The following ANAPC1 variants were observed in gnomAD, a reference collection of about 807,000 sequenced individuals.
ANAPC1 encodes the protein anaphase promoting complex subunit 1, also known as anaphase-promoting complex subunit 1.
ANAPC1 carries 36 observed loss-of-function variants against 208.0 expected under a neutral mutation model. That is an observed-to-expected ratio of 0.17 (90% CI 0.13 to 0.23). The LOEUF is 0.23. Among genes scored for constraint, ANAPC1 ranks in the 10% least tolerant of loss-of-function variants. The pLI, the probability that ANAPC1 is intolerant of heterozygous loss-of-function variation, is 1.00. For synonymous variants in ANAPC1, 378 were observed against 695.2 expected (o/e 0.54, Z 7.18); for missense variants, 942 against 2,011.6 (o/e 0.47, Z 10.17).
chr2:111,794,734 G>C (rs1227418632), intron 35 of ANAPC1, 84 bp downstream of exon 35: 2 of 1,156,426 alleles, frequency 1.7e-6, no homozygotes, highest in Non-Finnish European at 2.5e-6. Flanking sequence ...TTAAATCAAG[G>C]ACAATATTAC....
At chr2:111,879,733 G>A (rs1270176675) in intron 2 of ANAPC1, among the ~76,000 whole-genome samples, 3 of 152,090 alleles carry the variant, frequency 2.0e-5, no homozygotes, top group Non-Finnish European at 2.9e-5. Flanking sequence ...TTAGCTGGGC[G>A]TGGTGGCACA....
intron 3 of ANAPC1, among the ~76,000 whole-genome samples, chr2:111,875,066 A>C (rs1380086504): frequency 6.6e-6 from 1 of 152,180 alleles, no homozygotes; most frequent in Non-Finnish European, 1.5e-5. Context: ...AGGAGTTCCA[A>C]TTTCTGGACA....
At chr2:111,866,587 G>A (rs1173074301) in intron 7 of ANAPC1, among the ~76,000 whole-genome samples, 31 of 150,362 alleles carry the variant, frequency 2.1e-4, no homozygotes, top group African/African-American at 7.6e-4. Flanking sequence ...TTAGCTGGGC[G>A]TGATGGCACA....
downstream of ANAPC1, among the ~76,000 whole-genome samples, chr2:111,767,206 C>T (rs1172765061): frequency 6.7e-6 from 1 of 150,348 alleles, no homozygotes; most frequent in Non-Finnish European, 1.5e-5. Flanking sequence ...TCTGCCTCTC[C>T]TCCCAGTCCT....
At chr2:111,853,083 A>C (rs1681498545) in intron 13 of ANAPC1, among the ~76,000 whole-genome samples, 1 of 152,204 alleles carries the variant, frequency 6.6e-6, no homozygotes, top group East Asian at 1.9e-4. Context: ...AAAATACTCA[A>C]GGGTGCCTTC....
At chr2:111,864,449 C>T (rs1367914263) in intron 8 of ANAPC1, among the ~76,000 whole-genome samples, 9 of 95,700 alleles carry the variant, frequency 9.4e-5, no homozygotes, top group Admixed American at 3.4e-4. Context: ...ACTACTCTTT[C>T]ATATATATAT....
chr2:111,844,644 A>ATACTTCAG (rs1321021020), intron 16 of ANAPC1, among the ~76,000 whole-genome samples: 1 of 152,010 alleles, frequency 6.6e-6, no homozygotes, highest in African/African-American at 2.4e-5. Flanking sequence ...TACTGCCTAC[A>ATACTTCAG]TACTTCAGTA....
Position 111,792,902 on chromosome 2 carries a change from G to A in ANAPC1, c.4519-347C>T, listed in dbSNP as rs541324508. On this transcript the variant is annotated intron_variant, in intron 37 of 47. Transcript: ENST00000341068. Reference sequence around the variant, plus strand: ...CGGGGTGCGGAGCTCGCAGTGAGCCGAGATCGCGCCACTGCACTCCAGCCT... The same window carrying A: ...CGGGGTGCGGAGCTCGCAGTGAGCCAAGATCGCGCCACTGCACTCCAGCCT... Among the ~76,000 whole-genome samples, 1,239 of 152,192 alleles carry A rather than the reference G, an allele frequency of 8.1e-3. 15 individuals are homozygous for A. The highest frequency in any genetic ancestry group is 0.029 in the African/African-American group (1,185 of 41,520).
intron 18 of ANAPC1, among the ~76,000 whole-genome samples, chr2:111,838,024 G>A (rs1239716735): frequency 1.4e-5 from 2 of 142,580 alleles, no homozygotes; most frequent in African/African-American, 2.5e-5. Flanking sequence ...GGCGGAGATT[G>A]CAGTGAGCTC....
At chr2:111,845,976 C>CAAA (rs34090398) in intron 16 of ANAPC1, among the ~76,000 whole-genome samples, 3,977 of 100,682 alleles carry the variant, frequency 0.04, 203 homozygotes, top group African/African-American at 0.096. Flanking sequence ...GACTCCGTCT[C>CAAA]AAAAAAAAAA....
At chr2:111,873,492 A>G (rs1240486352) in intron 4 of ANAPC1, 84 bp from the exon 5 acceptor site, 5 of 1,516,286 alleles carry the variant, frequency 3.3e-6, no homozygotes, top group Non-Finnish European at 4.4e-6. Flanking sequence ...TTTAATGCAC[A>G]ATATAAAGAT....
intron 6 of ANAPC1, among the ~76,000 whole-genome samples, chr2:111,868,300 C>A (rs1364599614): frequency 1.3e-5 from 2 of 152,166 alleles, no homozygotes; most frequent in African/African-American, 4.8e-5. Context: ...TAGAGTAATT[C>A]TATCAATGCA....
At chr2:111,880,914 A>G in intron 1 of ANAPC1, 65 bp from the exon 2 acceptor site, 8 of 1,348,856 alleles carry the variant, frequency 5.9e-6, no homozygotes, top group Non-Finnish European at 7.2e-6. Context: ...AATACCATAA[A>G]CACACAAGTC....
At chr2:111,806,441 C>T (rs1408189458) in intron 29 of ANAPC1, among the ~76,000 whole-genome samples, 19 of 32,218 alleles carry the variant, frequency 5.9e-4, no homozygotes, top group Non-Finnish European at 9.8e-4. Flanking sequence ...GCAGGAAAAT[C>T]GCTTGAACCT....
rs771846049 is a variant in ANAPC1, at chr2:111,864,906, A to C, written c.731T>G (p.Met244Arg). ...GTCAGTATTGAGGAAAACAATTTTC[A>C]TTGCATGATCTACAACATATTGCAC... ...SRVQYVVDHAMKIVFLNTDPS... is the reference protein window; with the variant it reads ...SRVQYVVDHARKIVFLNTDPS... Residue 244 changes from methionine to arginine, a missense_variant, in exon 8 of 48, where the codon ATG becomes AGG. Met to Arg is a moderately conservative substitution (Grantham distance 91). Coordinates refer to ENST00000341068, the MANE Select transcript of ANAPC1 (RefSeq NM_022662.4). 2 of 1,611,780 alleles carry C rather than the reference A, an allele frequency of 1.2e-6. No homozygotes were observed. The highest frequency in any genetic ancestry group is 2.2e-5 in the South Asian group (2 of 90,962).
intron 18 of ANAPC1, among the ~76,000 whole-genome samples, chr2:111,836,369 T>A (rs1680466205): frequency 6.6e-6 from 1 of 151,056 alleles, no homozygotes; most frequent in Non-Finnish European, 1.5e-5. Context: ...TAAAAGAAAT[T>A]AAAATTCACA....
intron 28 of ANAPC1, among the ~76,000 whole-genome samples, chr2:111,810,781 G>A (rs1678944432): frequency 1.4e-5 from 2 of 146,202 alleles, no homozygotes; most frequent in African/African-American, 5.1e-5. Flanking sequence ...TACTCAGAAG[G>A]CTGAGGCAGG....
rs6761389 is a variant in ANAPC1, at chr2:111,840,555, G to A, written c.2041-2043C>T. Among the ~76,000 whole-genome samples the A allele has an allele frequency of 2.4e-3, 358 of 152,224 alleles. 1 individual carries two copies. The highest frequency in any genetic ancestry group is 7.9e-3 in the African/African-American group (330 of 41,540). The stretch of plus-strand genomic sequence containing the variant: ...AACATGGAAACGCGAAGGGGCATAG[G>A]TTCTCTGCCAGAGACTAGGACACAA... On this transcript the variant is annotated intron_variant, in intron 17 of 47. Transcript: ENST00000341068.
Position 111,873,323 on chromosome 2 carries a change from A to C in ANAPC1, c.513T>G (p.Ala171=), listed in dbSNP as rs569810621. The stretch of plus-strand genomic sequence containing the variant: ...ACTTGTTTACCTGAAATGGTAATGA[A>C]GCTATGTAATCCTTTCCTTCTATGC... ...MHSIEGKDYI[A]SLPFQVANVW... The change falls in exon 5 of 48, where the codon GCT becomes GCG. Residue 171 remains alanine, a synonymous_variant. Coordinates refer to ENST00000341068, the MANE Select transcript of ANAPC1 (RefSeq NM_022662.4). 6.2e-7 allele frequency: 1 copy of C among 1,605,300 alleles called. No individual in the cohort carries two copies. Among genetic ancestry groups the C allele is most frequent in the African/African-American group, 1.3e-5 (1 of 74,670 alleles).
Sources: gnomAD v4.1 joint callset for allele counts (sites outside exome capture counted in the v4.1 genomes callset) on GRCh38, gnomAD v4.1.1 for gene constraint, MANE v1.5 for transcripts, NCBI Gene and HGNC (gene_info 2026-07-23, HGNC 2026-07-21) for gene names.